Variants in NHSL1 observed in about 807,000 individuals in gnomAD.
NHSL1 encodes the protein NHS like 1, also known as NHS-like protein 1.
A neutral mutation model predicts 95.0 loss-of-function variants in NHSL1; 48 were observed. The ratio of observed to expected loss-of-function variants is 0.51; its 90% CI spans 0.40 to 0.64. The LOEUF (loss-of-function observed/expected upper bound fraction) is 0.64, where lower values mean the gene tolerates loss of function less well. Among genes scored for constraint, NHSL1 ranks in the 30% least tolerant of loss-of-function variants. The pLI, the probability that NHSL1 is intolerant of heterozygous loss-of-function variation, is 0.00. For missense variants in NHSL1, 1,971 were observed against 2,077.7 expected (o/e 0.95, Z 1.00); for synonymous variants, 783 against 833.9 (o/e 0.94, Z 1.05).
intron 1 of NHSL1, chr6:138,650,846 G>A: frequency 1.8e-6 from 1 of 541,396 alleles, no homozygotes; most frequent in African/African-American, 1.9e-5. Flanking sequence ...CCAGGTCACA[G>A]TGAAGAGGGC....
intron 1 of NHSL1, among the ~76,000 whole-genome samples, chr6:138,594,196 G>GC (rs1009548678): frequency 6.6e-6 from 1 of 152,134 alleles, no homozygotes; most frequent in African/African-American, 2.4e-5. Flanking sequence ...CAGCTTCTAA[G>GC]CAACAGAGAA....
chr6:138,456,323 T>C (rs1267653918), intron 3 of NHSL1, among the ~76,000 whole-genome samples: 1 of 152,194 alleles, frequency 6.6e-6, no homozygotes, highest in African/African-American at 2.4e-5. Flanking sequence ...ACCTACGCTC[T>C]CAAGCATCAT....
intron 1 of NHSL1, among the ~76,000 whole-genome samples, chr6:138,541,366 CA>C (rs926649453): frequency 1.3e-4 from 19 of 151,430 alleles, no homozygotes; most frequent in Non-Finnish European, 4.4e-5. Context: ...GACTCTGTCT[CA>C]AAAAAAATAA....
intron 3 of NHSL1, among the ~76,000 whole-genome samples, chr6:138,458,330 C>T (rs776320399): frequency 6.6e-5 from 10 of 152,230 alleles, no homozygotes; most frequent in Non-Finnish European, 1.3e-4. Flanking sequence ...TCTTGTTTTA[C>T]AGCTTTCCTA....
chr6:138,593,591 G>A (rs570101962), intron 1 of NHSL1, among the ~76,000 whole-genome samples: 16 of 152,312 alleles, frequency 1.1e-4, no homozygotes, highest in African/African-American at 3.6e-4. Flanking sequence ...TCAACCTACT[G>A]TAAAACAACA....
intron 2 of NHSL1, among the ~76,000 whole-genome samples, chr6:138,475,252 C>T (rs1583257236): frequency 2.0e-5 from 3 of 150,854 alleles, no homozygotes; most frequent in African/African-American, 7.3e-5. Context: ...CAGGGTCTTA[C>T]TCTGTCACGC....
chr6:138,576,618 A>C (rs772319184), upstream of NHSL1, among the ~76,000 whole-genome samples: 1 of 152,292 alleles, frequency 6.6e-6, no homozygotes, highest in African/African-American at 2.4e-5. Context: ...TTTAAATTAC[A>C]TGTTTAATGG....
intron 3 of NHSL1, among the ~76,000 whole-genome samples, chr6:138,471,833 C>T (rs544178864): frequency 3.9e-4 from 59 of 152,238 alleles, no homozygotes; most frequent in Non-Finnish European, 6.3e-4. Flanking sequence ...CAAATCATCA[C>T]ACTGTGCTCC....
chr6:138,550,239 C>CA (rs752442241), upstream of NHSL1, among the ~76,000 whole-genome samples: 426 of 146,270 alleles, frequency 2.9e-3, no homozygotes, highest in African/African-American at 8.1e-3. Flanking sequence ...ACTCTATCTC[C>CA]AAAAAAAAAA....
At chr6:138,594,863 C>G (rs1482671569) in intron 1 of NHSL1, among the ~76,000 whole-genome samples, 1 of 152,196 alleles carries the variant, frequency 6.6e-6, no homozygotes, top group Non-Finnish European at 1.5e-5. Flanking sequence ...GAGCAAAGTG[C>G]TTAAAACAAG....
intron 2 of NHSL1, among the ~76,000 whole-genome samples, chr6:138,476,011 T>G (rs1359962726): frequency 6.6e-6 from 1 of 152,088 alleles, no homozygotes; most frequent in Non-Finnish European, 1.5e-5. Context: ...TTGGCATGGA[T>G]GTAGACAAAA....
chr6:138,501,469 T>C (rs1329411924), upstream of NHSL1, among the ~76,000 whole-genome samples: 1 of 151,428 alleles, frequency 6.6e-6, no homozygotes, highest in African/African-American at 2.4e-5. Context: ...ATCGTAGGAG[T>C]CAGGGTGGTC....
At chr6:138,425,352 C>T (rs910047018) in intron 7 of NHSL1, among the ~76,000 whole-genome samples, 2 of 152,152 alleles carry the variant, frequency 1.3e-5, no homozygotes, top group African/African-American at 4.8e-5. Flanking sequence ...CTGCCTCGGC[C>T]TCCCAAAGTG....
At chr6:138,447,265 A>AT (rs2128220611) in intron 3 of NHSL1, 72 bp from the exon 4 acceptor site, 21 of 1,293,214 alleles carry the variant, frequency 1.6e-5, no homozygotes, top group Non-Finnish European at 2.0e-5. Context: ...TATATTTCTT[A>AT]TTTTTAAAAA....
intron 1 of NHSL1, among the ~76,000 whole-genome samples, chr6:138,613,724 C>T (rs1319650805): frequency 6.6e-6 from 1 of 152,132 alleles, no homozygotes; most frequent in Admixed American, 6.5e-5. Flanking sequence ...TTGCAGGCAA[C>T]AGAATAAGGA....
chr6:138,424,522 G>A lies in NHSL1; in HGVS notation c.4380C>T (p.Ala1460=). 6.4e-7 allele frequency: 1 copy of A among 1,551,682 alleles called. No individual in the cohort carries two copies. Among genetic ancestry groups the A allele is most frequent in the East Asian group, 2.4e-5 (1 of 40,912 alleles). ...GGGAGCAGCTTGACGGGCTCTCGGG[G>A]GCATCTGGGGAAGGCTCTGACCTCG... ...QRSRSEPSPD[A]PESPSSCSPS... is the part of the protein sequence containing the mutation. Residue 1460 remains alanine (A), a synonymous_variant, in exon 8 of 8, where the codon GCC becomes GCT. Transcript: ENST00000343505. The surrounding 1 kb of genome is among the most constrained non-coding windows in gnomAD (Gnocchi z 5.9).
intron 1 of NHSL1, among the ~76,000 whole-genome samples, chr6:138,643,509 A>G (rs1370975609): frequency 6.6e-6 from 1 of 152,248 alleles, no homozygotes; most frequent in Non-Finnish European, 1.5e-5. Flanking sequence ...AAAATGATCA[A>G]CCTGAAGAAG....
chr6:138,532,986 C>T (rs561481473), intron 1 of NHSL1, among the ~76,000 whole-genome samples: 23 of 152,266 alleles, frequency 1.5e-4, no homozygotes, highest in Non-Finnish European at 2.4e-4. Flanking sequence ...GAAGTCCTTA[C>T]GGTAGCTAAG....
chr6:138,577,554 C>A (rs537212621), intron 1 of NHSL1, among the ~76,000 whole-genome samples: 363 of 152,238 alleles, frequency 2.4e-3, no homozygotes, highest in Non-Finnish European at 4.2e-3. Flanking sequence ...CAAAGAGAAC[C>A]ACATAGAGCA....
Sources: allele counts gnomAD v4.1 joint callset (sites outside exome capture counted in the v4.1 genomes callset), GRCh38; gene constraint gnomAD v4.1.1; non-coding constraint Gnocchi (gnomAD v3.1); transcripts MANE v1.5; gene names NCBI Gene and HGNC (gene_info 2026-07-23, HGNC 2026-07-21).